Variants in FGB observed in about 807,000 individuals in gnomAD.
FGB encodes beta-fibrinogen.
In FGB, 25 loss-of-function variants were observed where a neutral mutation model predicts 57.9. The ratio of observed to expected loss-of-function variants is 0.43; its 90% CI spans 0.31 to 0.60. FGB has a LOEUF of 0.60. Among genes scored for constraint, FGB ranks in the 20% least tolerant of loss-of-function variants. The probability of loss-of-function intolerance (pLI) is 0.08; values close to 1 mark genes in which losing one functional copy is unlikely to be tolerated. For synonymous variants in FGB, 203 were observed against 199.2 expected (o/e 1.02, Z -0.16); for missense variants, 536 against 598.4 (o/e 0.90, Z 1.09).
At position 154,569,581 on chromosome 4, in the gene FGB, A is replaced by G. The variant is rs751610009; in HGVS notation, c.1026A>G (p.Ile342Met). Residue 342 changes from isoleucine to methionine, a missense_variant, in exon 7 of 8, where the codon ATA becomes ATG. Coordinates refer to ENST00000302068, the MANE Select transcript of FGB (RefSeq NM_005141.5). ...GGATGGGACCCACAGAACTTTTGATAGAAATGGAGGACTGGAAAGGAGACA... is the reference window on the plus strand; with the variant it reads ...GGATGGGACCCACAGAACTTTTGATGGAAATGGAGGACTGGAAAGGAGACA... ...LTRMGPTELL[I>M]EMEDWKGDKV... The G allele has an allele frequency of 7.4e-6, 12 of 1,614,034 alleles. No individual in the cohort carries two copies. In the Admixed American group the frequency reaches 1.5e-4, roughly 20 times the overall value.
At position 154,567,837 on chromosome 4, in the gene FGB, CAT is replaced by C; in HGVS notation, c.718+20_718+21del. The stretch of plus-strand genomic sequence containing the variant: ...CTGGCAAAGGTAACTGATTCATAAA[CAT>C]ATTTTTAGAGAGTTCCAGAAGAACT... On this transcript the variant is annotated intron_variant, in intron 4 of 7. Transcript: ENST00000302068. The C allele has an allele frequency of 6.4e-7, 1 of 1,569,976 alleles. No homozygotes were observed.
At chr4:154,563,453 G>A (rs1213292787) in intron 1 of FGB, among the ~76,000 whole-genome samples, 1 of 151,814 alleles carries the variant, frequency 6.6e-6, no homozygotes. Flanking sequence ...TTACAATTAA[G>A]AGGACAAGAT....
chr4:154,569,176 C>A lies in FGB; in HGVS notation c.833-6C>A. 6.2e-7 allele frequency: 1 copy of A among 1,613,958 alleles called. No homozygotes were observed. Among genetic ancestry groups the A allele is most frequent in the Non-Finnish European group, 8.5e-7 (1 of 1,179,954 alleles). ...TATATGCTCTTTTTGTTTCTGTCAA[C>A]CAAAGGATGGACAGTGATTCAGAAC... On this transcript the variant is annotated splice_polypyrimidine_tract_variant and splice_region_variant and intron_variant, in intron 5 of 7. Coordinates refer to ENST00000302068, the MANE Select transcript of FGB (RefSeq NM_005141.5).
intron 1 of FGB, among the ~76,000 whole-genome samples, chr4:154,563,693 T>C (rs1425281374): frequency 6.6e-6 from 1 of 151,938 alleles, no homozygotes; most frequent in Non-Finnish European, 1.5e-5. Flanking sequence ...TAGTGTGTAT[T>C]GTTATTATTA....
chr4:154,568,357 C>G (rs776171290), intron 4 of FGB, 24 bp from the exon 5 acceptor site: 1 of 1,199,686 alleles, frequency 8.3e-7, no homozygotes, highest in African/African-American at 1.5e-5. Context: ...AACCCCTGAA[C>G]ATAATGTTGT....
At position 154,570,484 on chromosome 4, in the gene FGB, G is replaced by A; in HGVS notation, c.1310G>A (p.Cys437Tyr). Residue 437 changes from cysteine to tyrosine, a missense_variant, in exon 8 of 8, where the codon TGT (cysteine) becomes TAT (tyrosine). Cys to Tyr is a radical substitution (Grantham distance 194). Coordinates refer to ENST00000302068, the MANE Select transcript of FGB (RefSeq NM_005141.5). ...GGTGGTGGATGGTGGTATAATAGATGTCATGCAGCCAATCCAAACGGCAGA... is the reference window on the plus strand; with the variant it reads ...GGTGGTGGATGGTGGTATAATAGATATCATGCAGCCAATCCAAACGGCAGA... ...EDGGGWWYNR[C>Y]HAANPNGRYY... is the part of the protein sequence containing the mutation. 2 of 1,614,198 alleles carry A rather than the reference G, an allele frequency of 1.2e-6. No individual in the cohort carries two copies. The highest frequency in any genetic ancestry group is 1.7e-6 in the Non-Finnish European group (2 of 1,180,022).
rs2227397 is a variant in FGB at position 154,563,742 on chromosome 4, G to A, written c.114+610G>A. 6.3e-3 allele frequency among the ~76,000 whole-genome samples: 956 copies of A among 151,898 alleles called. 16 individuals are homozygous for A. The highest frequency in any genetic ancestry group is 0.022 in the African/African-American group (927 of 41,484). The stretch of plus-strand genomic sequence containing the variant: ...ACGGTTCAGTCTAATTTATTTATTT[G>A]TAGAACAGTTTGTCCTCAACTATTA... On this transcript the variant is annotated intron_variant, in intron 1 of 7. Transcript: ENST00000302068.
At chr4:154,570,145 A>G (rs1395432931) in intron 7 of FGB, among the ~76,000 whole-genome samples, 3 of 152,198 alleles carry the variant, frequency 2.0e-5, no homozygotes, top group African/African-American at 4.8e-5. Context: ...TTTCATTTCC[A>G]GGGTTCTCTG....
At chr4:154,563,247 G>A in intron 1 of FGB, 115 bp downstream of exon 1, 1 of 567,530 alleles carries the variant, frequency 1.8e-6, no homozygotes, top group South Asian at 2.4e-5. Flanking sequence ...TTATGAAATG[G>A]AATTGTTAAC....
chr4:154,568,370 T>TA lies in FGB; in HGVS notation c.719-10dup. Reference sequence around the variant, plus strand: ...TAAACCCCTGAACATAATGTTGTCTTACATTTGCAGAATGTGAGGAAATTA... The same window carrying TA: ...TAAACCCCTGAACATAATGTTGTCTTAACATTTGCAGAATGTGAGGAAATTA... On this transcript the variant is annotated splice_polypyrimidine_tract_variant and intron_variant, in intron 4 of 7. Transcript: ENST00000302068. The TA allele has an allele frequency of 1.4e-6, 2 of 1,384,614 alleles. No homozygotes were observed. Among genetic ancestry groups the TA allele is most frequent in the African/African-American group, 2.8e-5 (2 of 70,686 alleles). 85.8% of individuals were successfully genotyped at this position (1,384,614 alleles called of 1,614,324 possible). A position where few individuals can be genotyped will look rare whatever the true frequency, so the allele number is the denominator to read the frequency against.
At chr4:154,563,208 T>A in intron 1 of FGB, 76 bp downstream of exon 1, 3 of 676,416 alleles carry the variant, frequency 4.4e-6, no homozygotes, top group Non-Finnish European at 7.8e-6. Flanking sequence ...ATTATGTGCT[T>A]ATTTTAATGA....
Position 154,569,289 on chromosome 4 carries a change from A to G in FGB, c.940A>G (p.Asn314Asp). 6.2e-7 allele frequency: 1 copy of G among 1,614,138 alleles called. No individual in the cohort carries two copies. Among genetic ancestry groups the G allele is most frequent in the Admixed American group, 1.7e-5 (1 of 60,026 alleles). ...TGTTGCAACCAACACAGATGGGAAGAATTACTGTGGCCTACCAGGTAACGA... is the reference window on the plus strand; with the variant it reads ...TGTTGCAACCAACACAGATGGGAAGGATTACTGTGGCCTACCAGGTAACGA... ...GNVATNTDGK[N>D]YCGLPGEYWL... The change falls in exon 6 of 8, where the codon AAT becomes GAT. Residue 314 changes from asparagine to aspartate, a missense_variant. By Grantham distance (23) the Asn-to-Asp change is conservative (BLOSUM62 1). Transcript: ENST00000302068.
chr4:154,566,708 T>G, intron 3 of FGB, 36 bp downstream of exon 3: 1 of 1,598,406 alleles, frequency 6.3e-7, no homozygotes, highest in South Asian at 1.1e-5. Context: ...GATTTTCAGC[T>G]ATAAAATTGG....
chr4:154,570,682 T>A lies in FGB; in HGVS notation c.*32T>A. 1 of 1,514,816 alleles carries A rather than the reference T, an allele frequency of 6.6e-7. No individual in the cohort carries two copies. The highest frequency in any genetic ancestry group is 1.1e-5 in the South Asian group (1 of 88,760). The allele number at this position is 1,514,816 out of a possible 1,614,324, so 93.8% of individuals were successfully genotyped here. ...ATACGTAGATTTTTGCTCTTCTGTATGTGACAACATTTTTGTACATTATGT... is the reference window on the plus strand; with the variant it reads ...ATACGTAGATTTTTGCTCTTCTGTAAGTGACAACATTTTTGTACATTATGT... On this transcript the variant is annotated 3_prime_UTR_variant, in exon 8 of 8. Coordinates refer to ENST00000302068, the MANE Select transcript of FGB (RefSeq NM_005141.5).
At position 154,564,718 on chromosome 4, in the gene FGB, T is replaced by C. The variant is rs370632443; in HGVS notation, c.115-1090T>C. ...CTCAGTTGTTCCAAATCATGTCGTT[T>C]GTTAATTTGTAATTAAGCTCCAAAG... On this transcript the variant is annotated intron_variant, in intron 1 of 7. Transcript: ENST00000302068. Among the ~76,000 whole-genome samples, 11 of 152,242 alleles carry C rather than the reference T, an allele frequency of 7.2e-5. No homozygotes were observed. In the East Asian group the frequency reaches 2.1e-3, roughly 29 times the overall value.
intron 1 of FGB, among the ~76,000 whole-genome samples, chr4:154,563,378 A>G (rs1390173416): frequency 6.6e-6 from 1 of 151,874 alleles, no homozygotes. Flanking sequence ...AGCTAATGTA[A>G]GATGTGTTTT....
At chr4:154,566,215 A>T (rs2110762902) in intron 2 of FGB, among the ~76,000 whole-genome samples, 1 of 152,238 alleles carries the variant, frequency 6.6e-6, no homozygotes, top group South Asian at 2.1e-4. Flanking sequence ...TCAAATTAGG[A>T]TATGTGGGTG....
chr4:154,566,220 T>C (rs1185412405), intron 2 of FGB, among the ~76,000 whole-genome samples: 1 of 152,254 alleles, frequency 6.6e-6, no homozygotes, highest in Admixed American at 6.5e-5. Flanking sequence ...TTAGGATATG[T>C]GGGTGCCACC....
intron 1 of FGB, 103 bp downstream of exon 1, chr4:154,563,235 A>T: frequency 3.4e-6 from 2 of 593,856 alleles, no homozygotes. Context: ...CATTGCTTAT[A>T]GTTATGAAAT....
Sources: allele counts gnomAD v4.1 joint callset (sites outside exome capture counted in the v4.1 genomes callset), GRCh38; gene constraint gnomAD v4.1.1; transcripts MANE v1.5; gene names NCBI Gene and HGNC (gene_info 2026-07-23, HGNC 2026-07-21).